ANO5: variants seen among roughly 807,000 people sequenced by gnomAD.
ANO5 encodes the protein anoctamin-5.
In ANO5, 109 loss-of-function variants were observed where a neutral mutation model predicts 121.0. That is an observed-to-expected ratio of 0.90 (90% CI 0.77 to 1.06). The LOEUF is 1.06. ANO5 is among the 50% of genes least tolerant of loss of function. The pLI is 0.00. For missense variants in ANO5, 1,064 were observed against 1,078.5 expected (o/e 0.99, Z 0.19); for synonymous variants, 406 against 359.9 (o/e 1.13, Z -1.45).
At chr11:22,273,044 G>A (rs1854685483) in intron 19 of ANO5, 55 bp downstream of exon 19, 4 of 1,509,292 alleles carry the variant, frequency 2.7e-6, no homozygotes, top group South Asian at 1.1e-5. Context: ...GGGGGTGTGG[G>A]GAGATGTGAA....
At chr11:22,214,713 G>T (rs1422909319) in intron 3 of ANO5, among the ~76,000 whole-genome samples, 1 of 151,888 alleles carries the variant, frequency 6.6e-6, no homozygotes. Flanking sequence ...CCAATCATTC[G>T]TGAGAAGCAA....
chr11:22,238,687 TATC>T (rs1262978980), intron 8 of ANO5, among the ~76,000 whole-genome samples: 1 of 152,142 alleles, frequency 6.6e-6, no homozygotes. Flanking sequence ...TTTAACACCT[TATC>T]ATATAAAGAT....
In ANO5 at chr11:22,239,777, C is replaced by T; in HGVS notation, c.878+93C>T. ...ATATTTTTTTTACTACTATTTTCTC[C>T]CACTACATTTCACAACTTCTTGATT... On this transcript the variant is annotated intron_variant, in intron 9 of 21. Coordinates refer to ENST00000324559, the MANE Select transcript of ANO5 (RefSeq NM_213599.3). 3 of 960,808 alleles carry T rather than the reference C, an allele frequency of 3.1e-6. No individual in the cohort carries two copies. In the East Asian group the frequency reaches 7.7e-5, roughly 25 times the overall value. The allele number at this position is 960,808 out of a possible 1,614,324, so 59.5% of individuals were successfully genotyped here.
At chr11:22,239,437 A>G (rs1404014246) in intron 8 of ANO5, 132 bp from the exon 9 acceptor site, 4 of 679,312 alleles carry the variant, frequency 5.9e-6, no homozygotes, top group Non-Finnish European at 8.0e-6. Flanking sequence ...TTTCACATCA[A>G]TTGAATATGA....
At chr11:22,255,037 CA>C (rs201787309) in intron 12 of ANO5, among the ~76,000 whole-genome samples, 28 of 148,828 alleles carry the variant, frequency 1.9e-4, no homozygotes, top group African/African-American at 3.0e-4. Flanking sequence ...AAGATACATG[CA>C]AAAAAAAATA....
rs1000816080 is a variant in ANO5 at position 22,231,122 on chromosome 11, G to T, written c.648+3536G>T. ...GAGAACTGCATGATTCACTTCAGAA[G>T]AATCAGAAGATTTTGAAAATTAAAT... On this transcript the variant is annotated intron_variant, in intron 7 of 21. Transcript: ENST00000324559. Among the ~76,000 whole-genome samples the T allele has an allele frequency of 2.6e-5, 4 of 151,884 alleles. No individual in the cohort carries two copies. The Admixed American group carries it at 2.6e-4, about 10-fold the overall frequency.
rs1009334252 is a variant in ANO5 at position 22,213,368 on chromosome 11, T to G, written c.138+2054T>G. Among the ~76,000 whole-genome samples, 3 of 151,960 alleles carry G rather than the reference T, an allele frequency of 2.0e-5. 1 individual carries two copies. The highest frequency in any genetic ancestry group is 4.8e-5 in the African/African-American group (2 of 41,418). On this transcript the variant is annotated intron_variant, in intron 3 of 21. Transcript: ENST00000324559. ...ACAGTTTCATGTACTTCTTTTGATT[T>G]TTATATCCTTCACAGCTTTGAGGAG...
chr11:22,255,451 C>T lies in ANO5; in HGVS notation c.1261C>T (p.Gln421Ter), dbSNP rs1554930314. 2 of 1,613,404 alleles carry T rather than the reference C, an allele frequency of 1.2e-6. No individual in the cohort carries two copies. The highest frequency in any genetic ancestry group is 1.7e-6 in the Non-Finnish European group (2 of 1,179,548). The change falls in exon 13 of 22, where the codon CAG becomes TAG. Residue 421 changes from glutamine to a stop codon, truncating the protein, a stop_gained. Coordinates refer to ENST00000324559, the MANE Select transcript of ANO5 (RefSeq NM_213599.3). LOFTEE classifies it high-confidence loss of function. ...GGACCTGGTGGACTTTGAAGAGGAA[C>T]AGCAGCAGCTTCAGCTGAGACCAGA... ...EWDLVDFEEE[Q>*]QQLQLRPEFE...
rs1423935160 is a variant in ANO5 at position 22,281,532 on chromosome 11, T to A, written c.*1767T>A. ...AATATTTCTTTCTTGAAAAAACAAG[T>A]CAGGCTTACCATGATGTGTGCAACC... On this transcript the variant is annotated 3_prime_UTR_variant, in exon 22 of 22. Transcript: ENST00000324559. 6.6e-6 allele frequency: 1 copy of A among 152,016 alleles called. No individual in the cohort carries two copies. Among genetic ancestry groups the A allele is most frequent in the Non-Finnish European group, 1.5e-5 (1 of 67,922 alleles). 9.4% of individuals were successfully genotyped at this position (152,016 alleles called of 1,614,324 possible).
Position 22,236,252 on chromosome 11 carries a change from C to T in ANO5, c.738C>T (p.Tyr246=), listed in dbSNP as rs570341380. ...GIERLLNSNT[Y]SSAYPLHDGQ... ...AAAGACTGCTAAACTCTAACACTTACTCATCTGCCTATCCACTCCATGATG... is the reference window on the plus strand; with the variant it reads ...AAAGACTGCTAAACTCTAACACTTATTCATCTGCCTATCCACTCCATGATG... The change falls in exon 8 of 22, where the codon TAC becomes TAT. Residue 246 remains tyrosine, a synonymous_variant. Coordinates refer to ENST00000324559, the MANE Select transcript of ANO5 (RefSeq NM_213599.3). 9.9e-6 allele frequency: 16 copies of T among 1,612,572 alleles called. 1 individual carries two copies. The South Asian group carries it at 1.6e-4, about 17-fold the overall frequency.
At chr11:22,264,977 G>A (rs1261639098) in intron 17 of ANO5, among the ~76,000 whole-genome samples, 4 of 152,052 alleles carry the variant, frequency 2.6e-5, no homozygotes, top group Non-Finnish European at 5.9e-5. Flanking sequence ...AGATTAAGAG[G>A]CTTCCACATT....
chr11:22,199,045 C>A (rs901808946), intron 1 of ANO5, among the ~76,000 whole-genome samples: 8 of 152,144 alleles, frequency 5.3e-5, no homozygotes, highest in Non-Finnish European at 1.2e-4. Flanking sequence ...AGAAAGCCTG[C>A]ACTCAGAAAG....
At position 22,259,606 on chromosome 11, in the gene ANO5, G is replaced by C. The variant is rs746548151; in HGVS notation, c.1495G>C (p.Ala499Pro). 1.9e-6 allele frequency: 3 copies of C among 1,614,044 alleles called. No homozygotes were observed. In the Admixed American group the frequency reaches 5.0e-5, roughly 27 times the overall value. ...ATFASFMESDASLKQVKSFLT... is the reference protein window; with the variant it reads ...ATFASFMESDPSLKQVKSFLT... Reference sequence around the variant, plus strand: ...ATTTGCTAGTTTCATGGAAAGTGATGCATCCTTAAAGCAGGTCAAAAGCTT... The same window carrying C: ...ATTTGCTAGTTTCATGGAAAGTGATCCATCCTTAAAGCAGGTCAAAAGCTT... Residue 499 changes from alanine to proline, a missense_variant, in exon 15 of 22, where the codon GCA becomes CCA. Physicochemically the swap from Ala to Pro is conservative, Grantham distance 27. Coordinates refer to ENST00000324559, the MANE Select transcript of ANO5 (RefSeq NM_213599.3).
chr11:22,278,223 C>A (rs1003189088), intron 21 of ANO5, among the ~76,000 whole-genome samples: 1 of 151,610 alleles, frequency 6.6e-6, no homozygotes, highest in Non-Finnish European at 1.5e-5. Flanking sequence ...TGAAGCTTCA[C>A]AAGATGGTTC....
intron 1 of ANO5, among the ~76,000 whole-genome samples, chr11:22,195,433 T>A (rs905558757): frequency 2.3e-4 from 35 of 152,060 alleles, no homozygotes; most frequent in Non-Finnish European, 4.3e-4. Context: ...ATTTTTTTTT[T>A]TTTTTTATTT....
chr11:22,228,984 AG>A (rs1388477119), intron 7 of ANO5, among the ~76,000 whole-genome samples: 1 of 151,878 alleles, frequency 6.6e-6, no homozygotes, highest in African/African-American at 2.4e-5. Flanking sequence ...CATTCCCTTT[AG>A]GCATATACCC....
chr11:22,205,537 CAAAATAAAATAAAAT>C (rs66490106), intron 2 of ANO5, among the ~76,000 whole-genome samples: 2,285 of 148,100 alleles, frequency 0.015, 29 homozygotes, highest in Non-Finnish European at 0.023. Flanking sequence ...CAGGCTGTCT[CAAAATAAAATAAAAT>C]AAAATAAAAT....
chr11:22,258,753 G>GT (rs1210137141), intron 14 of ANO5, among the ~76,000 whole-genome samples: 1 of 152,136 alleles, frequency 6.6e-6, no homozygotes, highest in Non-Finnish European at 1.5e-5. Flanking sequence ...AACATTTTCT[G>GT]TAAAGGGGCC....
chr11:22,218,198 C>G (rs763207911), intron 3 of ANO5, 48 bp from the exon 4 acceptor site: 1 of 1,603,082 alleles, frequency 6.2e-7, no homozygotes. Context: ...GGAATCTTTA[C>G]TGTAATTCTG....
Sources: gnomAD v4.1 joint callset for allele counts (sites outside exome capture counted in the v4.1 genomes callset) on GRCh38, gnomAD v4.1.1 for gene constraint, MANE v1.5 for transcripts, NCBI Gene and HGNC (gene_info 2026-07-23, HGNC 2026-07-21) for gene names.